The following MME variants were observed in gnomAD, a reference collection of about 807,000 sequenced individuals.
The protein encoded by MME is neprilysin.
In MME, 98 loss-of-function variants were observed where a neutral mutation model predicts 113.2. That is an observed-to-expected ratio of 0.87 (90% CI 0.74 to 1.02). The LOEUF is 1.02. Among genes scored for constraint, MME ranks in the 50% least tolerant of loss-of-function variants. MME has a pLI of 0.00. For missense variants in MME, 836 were observed against 896.0 expected (o/e 0.93, Z 0.86); for synonymous variants, 292 against 300.6 (o/e 0.97, Z 0.30).
At chr3:155,073,216 T>C (rs79078308) in intron 1 of MME, among the ~76,000 whole-genome samples, 16 of 152,102 alleles carry the variant, frequency 1.1e-4, no homozygotes, top group African/African-American at 4.8e-5. Context: ...CTAAATCCAA[T>C]AGAGGTCAGT....
intron 16 of MME, among the ~76,000 whole-genome samples, chr3:155,156,805 G>A (rs1209576926): frequency 6.6e-6 from 1 of 152,070 alleles, no homozygotes; most frequent in East Asian, 1.9e-4. Context: ...ACTACTAAAT[G>A]CTGAGAAATT....
At chr3:155,154,154 A>G (rs541145109) in intron 16 of MME, among the ~76,000 whole-genome samples, 132 of 152,252 alleles carry the variant, frequency 8.7e-4, no homozygotes, top group African/African-American at 3.0e-3. Flanking sequence ...TGATTGGCTC[A>G]TTTCTGTCTG....
At chr3:155,091,282 T>A (rs1455315400) in intron 3 of MME, among the ~76,000 whole-genome samples, 3 of 152,206 alleles carry the variant, frequency 2.0e-5, no homozygotes, top group Non-Finnish European at 4.4e-5. Flanking sequence ...GTCAATCAGA[T>A]CCTTTCCAAG....
intron 1 of MME, among the ~76,000 whole-genome samples, chr3:155,033,947 C>T (rs946409539): frequency 1.2e-4 from 18 of 152,164 alleles, no homozygotes; most frequent in Non-Finnish European, 2.9e-5. Flanking sequence ...GGGAGACATT[C>T]CTTAAACCTA....
chr3:155,055,282 G>A (rs1277962190), intron 1 of MME, among the ~76,000 whole-genome samples: 1 of 152,020 alleles, frequency 6.6e-6, no homozygotes, highest in Non-Finnish European at 1.5e-5. Flanking sequence ...ACATAATATT[G>A]AGCAAAAAAG....
At chr3:155,056,968 C>T (rs1474368589) in intron 1 of MME, among the ~76,000 whole-genome samples, 4 of 152,102 alleles carry the variant, frequency 2.6e-5, no homozygotes, top group Admixed American at 2.0e-4. Context: ...AAGACTTAAA[C>T]GTTAGACCTA....
rs75716178 is a variant in MME, at chr3:155,047,413, T to G, written c.-11+23089T>G. Among the ~76,000 whole-genome samples, 314 of 152,246 alleles carry G rather than the reference T, an allele frequency of 2.1e-3. 1 individual carries two copies. The highest frequency in any genetic ancestry group is 7.3e-3 in the African/African-American group (305 of 41,542). ...ATCATCTAGGTTTGTGTAAGTACAC[T>G]CTATGGTATTCACACAACAACAAAA... On this transcript the variant is annotated intron_variant, in intron 1 of 22. Coordinates refer to the MME transcript ENST00000492661.
intron 8 of MME, among the ~76,000 whole-genome samples, chr3:155,133,058 A>AT (rs1399456952): frequency 4.2e-4 from 35 of 84,218 alleles, no homozygotes; most frequent in East Asian, 1.2e-3. Flanking sequence ...AAAAAAAAAA[A>AT]AAAAATATAT....
chr3:155,065,017 C>A (rs73874490), intron 1 of MME, among the ~76,000 whole-genome samples: 2,541 of 152,300 alleles, frequency 0.017, 72 homozygotes, highest in African/African-American at 0.058. Flanking sequence ...ACCAGTCATA[C>A]TGCATAAGGG....
intron 1 of MME, among the ~76,000 whole-genome samples, chr3:155,039,967 TAA>T (rs1008089509): frequency 1.4e-4 from 21 of 152,060 alleles, no homozygotes; most frequent in African/African-American, 4.8e-4. Context: ...ATGTAAAAAA[TAA>T]AAGTCAGGGG....
intron 16 of MME, among the ~76,000 whole-genome samples, chr3:155,153,240 T>G (rs1722071811): frequency 6.6e-6 from 1 of 152,104 alleles, no homozygotes; most frequent in African/African-American, 2.4e-5. Flanking sequence ...TTGGCCAGGC[T>G]GGTCTCGAAC....
intron 14 of MME, among the ~76,000 whole-genome samples, chr3:155,145,283 C>T (rs944177306): frequency 2.0e-5 from 3 of 152,012 alleles, no homozygotes; most frequent in East Asian, 1.9e-4. Flanking sequence ...TGTTCTGGAT[C>T]GGCATTTCCA....
intron 1 of MME, among the ~76,000 whole-genome samples, chr3:155,072,641 T>A (rs1482197866): frequency 6.6e-6 from 1 of 152,224 alleles, no homozygotes. Flanking sequence ...TTCTATTTTA[T>A]GAATGTATTA....
intron 8 of MME, among the ~76,000 whole-genome samples, chr3:155,124,748 G>A (rs1464088243): frequency 2.0e-5 from 3 of 150,864 alleles, no homozygotes; most frequent in Admixed American, 6.6e-5. Flanking sequence ...AGGGGTCAGG[G>A]ACCCACTTGA....
At chr3:155,118,924 A>G (rs972738957) in intron 8 of MME, 113 bp downstream of exon 8, 2 of 729,206 alleles carry the variant, frequency 2.7e-6, no homozygotes, top group Non-Finnish European at 2.4e-6. Context: ...TTTTTCATTC[A>G]TGACAGGGAC....
At chr3:155,063,977 T>C (rs1438118742) in intron 1 of MME, among the ~76,000 whole-genome samples, 2 of 147,448 alleles carry the variant, frequency 1.4e-5, no homozygotes, top group Non-Finnish European at 2.9e-5. Context: ...TTTAATCTGA[T>C]AGGACTAATC....
At chr3:155,152,647 C>G (rs1722016460) in intron 16 of MME, among the ~76,000 whole-genome samples, 1 of 151,988 alleles carries the variant, frequency 6.6e-6, no homozygotes, top group Admixed American at 6.6e-5. Flanking sequence ...TTGAGACCAG[C>G]CTGGGCAACA....
intron 1 of MME, among the ~76,000 whole-genome samples, chr3:155,059,078 ACT>A (rs1714043953): frequency 1.3e-5 from 2 of 151,892 alleles, no homozygotes; most frequent in African/African-American, 4.8e-5. Flanking sequence ...ACATGGCAAA[ACT>A]CTGTCTTTAC....
At chr3:155,054,377 A>AT (rs1186805024) in intron 1 of MME, among the ~76,000 whole-genome samples, 1 of 152,056 alleles carries the variant, frequency 6.6e-6, no homozygotes. Context: ...ACTGAGAGGA[A>AT]TTTTTTATTC....
Sources: allele counts gnomAD v4.1 joint callset (sites outside exome capture counted in the v4.1 genomes callset), GRCh38; gene constraint gnomAD v4.1.1; transcripts MANE v1.5; gene names NCBI Gene and HGNC (gene_info 2026-07-23, HGNC 2026-07-21).